The following RASSF3 variants were observed in gnomAD, a reference collection of about 807,000 sequenced individuals.
The protein encoded by RASSF3 is ras association domain-containing protein 3.
Under a neutral mutation model 19.9 loss-of-function variants are expected in RASSF3, and 19 were observed. The observed-to-expected ratio is 0.96, with a 90% confidence interval of 0.67 to 1.40. RASSF3 has a LOEUF of 1.40. RASSF3 is among the 40% of genes most tolerant of loss of function. RASSF3 has a pLI of 0.00. For missense variants in RASSF3, 306 were observed against 289.8 expected, an observed-to-expected ratio of 1.06 and a Z score of -0.41; for synonymous variants, 110 against 104.2, an observed-to-expected ratio of 1.06 and a Z score of -0.34.
intron 2 of RASSF3, among the ~76,000 whole-genome samples, chr12:64,549,275 G>T (rs1057163892): frequency 2.0e-5 from 3 of 152,160 alleles, no homozygotes; most frequent in Non-Finnish European, 4.4e-5. Context: ...ACTTTGGGGG[G>T]ATCACTTGAG....
At chr12:64,543,470 G>A (rs1219623619), downstream of RASSF3, among the ~76,000 whole-genome samples, 1 of 9,800 alleles carries the variant, frequency 1.0e-4, no homozygotes, top group African/African-American at 2.5e-4. Context: ...CTCCCCACCC[G>A]CCTGCCCACC....
chr12:64,526,038 C>T (rs1298756141), intron 1 of RASSF3, among the ~76,000 whole-genome samples: 1 of 152,180 alleles, frequency 6.6e-6, no homozygotes, highest in Non-Finnish European at 1.5e-5. Flanking sequence ...GCCTTCATTT[C>T]TCACTATGAG....
intron 2 of RASSF3, among the ~76,000 whole-genome samples, chr12:64,596,216 C>T (rs1173057856): frequency 6.6e-6 from 1 of 152,196 alleles, no homozygotes; most frequent in African/African-American, 2.4e-5. Context: ...GGACATTTTC[C>T]CCTGTACTTT....
chr12:64,520,121 T>C (rs927179039), intron 1 of RASSF3, among the ~76,000 whole-genome samples: 2 of 151,918 alleles, frequency 1.3e-5, no homozygotes, highest in African/African-American at 4.8e-5. Context: ...GATGGTAGCC[T>C]CTAAATCTAG....
In RASSF3 at chr12:64,688,363, G is replaced by C. The variant is rs1450684721; in HGVS notation, c.367G>C (p.Glu123Gln). ...TATCAGCAGCACAAACACTGTCGGG[G>C]AAGTGATCGAGGCCCTGCTCAAAAA... ...LHISSTNTVGEVIEALLKKFL... is the reference protein window; with the variant it reads ...LHISSTNTVGQVIEALLKKFL... Residue 123 changes from glutamate (E) to glutamine (Q), a missense_variant, in exon 3 of 5, where the codon GAA becomes CAA. By Grantham distance (29) the Glu-to-Gln change is conservative. Coordinates refer to ENST00000542104, the MANE Select transcript of RASSF3 (RefSeq NM_178169.4). 17 of 1,614,084 alleles carry C rather than the reference G, an allele frequency of 1.1e-5. No individual in the cohort carries two copies. Among genetic ancestry groups the C allele is most frequent in the Non-Finnish European group, 1.3e-5 (15 of 1,180,056 alleles).
intron 1 of RASSF3, among the ~76,000 whole-genome samples, chr12:64,533,991 G>A (rs994825459): frequency 2.0e-5 from 3 of 152,204 alleles, no homozygotes; most frequent in African/African-American, 7.2e-5. Context: ...GGACAATGTG[G>A]CTCATGCCTG....
At chr12:64,534,068 G>A (rs1868771785) in intron 1 of RASSF3, among the ~76,000 whole-genome samples, 1 of 152,162 alleles carries the variant, frequency 6.6e-6, no homozygotes, top group South Asian at 2.1e-4. Context: ...AGACCAGCCT[G>A]GGGAACATAG....
intron 1 of RASSF3, among the ~76,000 whole-genome samples, chr12:64,649,801 A>G (rs1385671710): frequency 6.6e-6 from 1 of 152,254 alleles, no homozygotes. Flanking sequence ...GGTGAAATAA[A>G]CTAAACGGTC....
intron 2 of RASSF3, among the ~76,000 whole-genome samples, chr12:64,570,902 G>A (rs1220955862): frequency 1.3e-5 from 2 of 152,152 alleles, no homozygotes; most frequent in Non-Finnish European, 2.9e-5. Flanking sequence ...CAAGTCATCT[G>A]GCAAGCCAGA....
chr12:64,568,443 G>A (rs1489306494), intron 2 of RASSF3, among the ~76,000 whole-genome samples: 2 of 152,158 alleles, frequency 1.3e-5, no homozygotes, highest in African/African-American at 4.8e-5. Context: ...CAGAGGCCTT[G>A]ATAAGGATCA....
In RASSF3 at chr12:64,508,882, G is replaced by A. The variant is rs554163439; in HGVS notation, c.169+1553G>A. On this transcript the variant is annotated intron_variant, in intron 1 of 5. Coordinates refer to the RASSF3 transcript ENST00000637125. ...GCCTAGGCAACAAGAGTGAAACTCC[G>A]TCTCAAAAAACAAAAACAAAAACAA... Among the ~76,000 whole-genome samples the A allele has an allele frequency of 1.2e-4, 18 of 151,578 alleles. No individual in the cohort carries two copies. In the East Asian group the frequency reaches 1.7e-3, roughly 15 times the overall value.
At chr12:64,543,523 CG>C (rs1403737430), downstream of RASSF3, among the ~76,000 whole-genome samples, 2 of 88,384 alleles carry the variant, frequency 2.3e-5, no homozygotes, top group Admixed American at 9.9e-5. Flanking sequence ...CGCCGCCCCC[CG>C]CTCTCCCCCG....
chr12:64,664,257 A>G (rs1872473741), intron 1 of RASSF3, among the ~76,000 whole-genome samples: 1 of 152,198 alleles, frequency 6.6e-6, no homozygotes, highest in South Asian at 2.1e-4. Flanking sequence ...CTCAGTACCA[A>G]AATTTCACCA....
intron 1 of RASSF3, among the ~76,000 whole-genome samples, chr12:64,684,399 T>C (rs771174280): frequency 6.6e-6 from 1 of 150,422 alleles, no homozygotes; most frequent in East Asian, 1.9e-4. Context: ...GTGGAATTTT[T>C]AAAAAATCCT....
At chr12:64,661,589 G>A (rs186528745) in intron 1 of RASSF3, among the ~76,000 whole-genome samples, 1 of 152,154 alleles carries the variant, frequency 6.6e-6, no homozygotes, top group Non-Finnish European at 1.5e-5. Context: ...TAGCTGCTTG[G>A]GAGGCTGAGA....
chr12:64,653,763 G>A (rs1872047591), intron 1 of RASSF3, among the ~76,000 whole-genome samples: 1 of 152,080 alleles, frequency 6.6e-6, no homozygotes, highest in South Asian at 2.1e-4. Context: ...GCTTAGGCTG[G>A]TCTTGAATTC....
intron 1 of RASSF3, among the ~76,000 whole-genome samples, chr12:64,535,569 T>A (rs543513877): frequency 6.6e-6 from 1 of 152,280 alleles, no homozygotes; most frequent in African/African-American, 2.4e-5. Flanking sequence ...TCCCTCCATG[T>A]TGCCCAAGCT....
chr12:64,692,048 T>C (rs1441292505), intron 4 of RASSF3, among the ~76,000 whole-genome samples: 12 of 152,168 alleles, frequency 7.9e-5, no homozygotes, highest in Admixed American at 7.9e-4. Flanking sequence ...TAGCATCTTT[T>C]TTTTCCCCCT....
intron 1 of RASSF3, among the ~76,000 whole-genome samples, chr12:64,516,856 G>A (rs1313031116): frequency 6.6e-6 from 1 of 151,686 alleles, no homozygotes; most frequent in African/African-American, 2.4e-5. Flanking sequence ...AAAATTAGCA[G>A]GGCGTGGTGG....
Sources: gnomAD v4.1 joint callset for allele counts (sites outside exome capture counted in the v4.1 genomes callset) on GRCh38, gnomAD v4.1.1 for gene constraint, MANE v1.5 for transcripts, NCBI Gene and HGNC (gene_info 2026-07-23, HGNC 2026-07-21) for gene names.